The following ERBB4 variants were observed in gnomAD, a reference collection of about 807,000 sequenced individuals.
The protein encoded by ERBB4 is receptor tyrosine-protein kinase erbB-4.
Under a neutral mutation model 158.0 loss-of-function variants are expected in ERBB4, and 42 were observed. The observed-to-expected ratio is 0.27, with a 90% CI of 0.21 to 0.34. The LOEUF (loss-of-function observed/expected upper bound fraction) is 0.34. ERBB4 is among the 10% of genes least tolerant of loss of function. The probability of loss-of-function intolerance (pLI) is 1.00; values close to 1 mark genes in which losing one functional copy is unlikely to be tolerated. For missense variants in ERBB4, 1,333 were observed against 1,624.1 expected (o/e 0.82, Z 3.08); for synonymous variants, 583 against 558.7 (o/e 1.04, Z -0.61).
intron 16 of ERBB4, among the ~76,000 whole-genome samples, chr2:211,645,137 C>T (rs760490825): frequency 4.0e-5 from 6 of 151,802 alleles, no homozygotes; most frequent in African/African-American, 9.6e-5. Context: ...CAAAAACAAA[C>T]GACTCTAGAG....
intron 2 of ERBB4, among the ~76,000 whole-genome samples, chr2:212,103,400 T>A (rs2079137259): frequency 6.6e-6 from 1 of 152,108 alleles, no homozygotes; most frequent in Non-Finnish European, 1.5e-5. Context: ...TAAAATTATT[T>A]CAAATAATAT....
At chr2:211,515,912 A>ATATATTT (rs35696520) in intron 20 of ERBB4, among the ~76,000 whole-genome samples, 46 of 78,980 alleles carry the variant, frequency 5.8e-4, no homozygotes, top group African/African-American at 2.6e-3. Context: ...ATATATATAT[A>ATATATTT]TTTTTTTTTT....
At chr2:211,522,850 A>C (rs2066226017) in intron 20 of ERBB4, among the ~76,000 whole-genome samples, 1 of 152,080 alleles carries the variant, frequency 6.6e-6, no homozygotes, top group Non-Finnish European at 1.5e-5. Flanking sequence ...AGTGTAGTAT[A>C]AACATAACTT....
chr2:211,882,645 C>A (rs59340449), intron 3 of ERBB4, among the ~76,000 whole-genome samples: 21,567 of 152,080 alleles, frequency 0.14, 1,870 homozygotes, highest in African/African-American at 0.24. Flanking sequence ...GCTAACACAG[C>A]AATATTATCA....
intron 19 of ERBB4, among the ~76,000 whole-genome samples, chr2:211,577,962 G>A (rs2067943555): frequency 6.6e-6 from 1 of 152,078 alleles, no homozygotes; most frequent in South Asian, 2.1e-4. Context: ...TCTGGCCAGG[G>A]CAATCAGGCA....
intron 3 of ERBB4, among the ~76,000 whole-genome samples, chr2:211,835,384 C>G (rs2077318682): frequency 4.2e-5 from 4 of 94,968 alleles, no homozygotes; most frequent in African/African-American, 1.1e-4. Context: ...CTACATAAAA[C>G]CACTCTGACA....
chr2:211,595,910 T>C (rs1284885623), intron 19 of ERBB4, among the ~76,000 whole-genome samples: 1 of 152,148 alleles, frequency 6.6e-6, no homozygotes, highest in African/African-American at 2.4e-5. Context: ...TCCCTGGATA[T>C]AGAGGGATAA....
chr2:211,835,958 G>A (rs951544347), intron 3 of ERBB4, among the ~76,000 whole-genome samples: 7 of 151,964 alleles, frequency 4.6e-5, no homozygotes, highest in African/African-American at 1.7e-4. Context: ...ATTAGAACTG[G>A]GAAGAGTATA....
intron 3 of ERBB4, among the ~76,000 whole-genome samples, chr2:211,842,558 A>G (rs191863170): frequency 2.6e-5 from 4 of 152,018 alleles, no homozygotes; most frequent in Admixed American, 1.3e-4. Flanking sequence ...AATATCTCCT[A>G]TCTTTTTCAG....
chr2:212,126,151 C>T (rs2079917931), intron 1 of ERBB4, among the ~76,000 whole-genome samples: 1 of 152,050 alleles, frequency 6.6e-6, no homozygotes, highest in South Asian at 2.1e-4. Context: ...CACAAGTTTA[C>T]ACAAGTTTTT....
At chr2:212,528,927 G>A (rs991296360) in intron 1 of ERBB4, among the ~76,000 whole-genome samples, 8 of 152,086 alleles carry the variant, frequency 5.3e-5, no homozygotes, top group Admixed American at 5.2e-4. Flanking sequence ...AGAAATCTTA[G>A]CTATAACAAA....
chr2:211,614,018 T>C (rs2125837565), intron 19 of ERBB4, among the ~76,000 whole-genome samples: 1 of 152,198 alleles, frequency 6.6e-6, no homozygotes, highest in Admixed American at 6.6e-5. Flanking sequence ...GGAAGCAACC[T>C]AAGTGTCCAT....
rs1215930377 is a variant in ERBB4 at position 212,132,918 on chromosome 2, C to A, written c.83-8015G>T. Among the ~76,000 whole-genome samples the A allele has an allele frequency of 3.9e-5, 6 of 152,152 alleles. 1 individual carries two copies. The highest frequency in any genetic ancestry group is 2.0e-4 in the Admixed American group (3 of 15,292). On this transcript the variant is annotated intron_variant, in intron 1 of 27. Transcript: ENST00000342788. ...GCCCATCCCTTGTTAACGTGGCACA[C>A]ATACACAACTTCTTAATCTGTACTT...
intron 2 of ERBB4, among the ~76,000 whole-genome samples, chr2:212,031,232 G>C (rs1191074663): frequency 6.6e-6 from 1 of 152,030 alleles, no homozygotes; most frequent in Non-Finnish European, 1.5e-5. Flanking sequence ...GCTGTGACTT[G>C]CAAGATTCCA....
chr2:211,404,184 CAA>C (rs1205522219), intron 25 of ERBB4, among the ~76,000 whole-genome samples: 1 of 152,042 alleles, frequency 6.6e-6, no homozygotes, highest in Non-Finnish European at 1.5e-5. Flanking sequence ...TACCGGAGCT[CAA>C]CTCTTGATTT....
chr2:211,551,996 C>T (rs1383641878), intron 20 of ERBB4, among the ~76,000 whole-genome samples: 1 of 152,192 alleles, frequency 6.6e-6, no homozygotes, highest in Non-Finnish European at 1.5e-5. Context: ...CAAGAATCTG[C>T]TCTCTTTCCA....
intron 16 of ERBB4, among the ~76,000 whole-genome samples, chr2:211,633,313 G>T (rs1851194): frequency 0.13 from 20,411 of 151,736 alleles, 1,638 homozygotes; most frequent in African/African-American, 0.23. Context: ...GAAAAGATTC[G>T]GTTTCCAAAC....
intron 20 of ERBB4, among the ~76,000 whole-genome samples, chr2:211,447,965 G>C (rs146954988): frequency 7.8e-4 from 118 of 152,088 alleles, no homozygotes; most frequent in Admixed American, 2.8e-3. Flanking sequence ...ATTTTGTCTA[G>C]ACTTATTATT....
At chr2:212,241,987 T>G (rs1013569217) in intron 1 of ERBB4, among the ~76,000 whole-genome samples, 1 of 151,906 alleles carries the variant, frequency 6.6e-6, no homozygotes. Context: ...TGAAAAAAAA[T>G]TCAAATATGA....
Sources: allele counts gnomAD v4.1 joint callset (sites outside exome capture counted in the v4.1 genomes callset), GRCh38; gene constraint gnomAD v4.1.1; transcripts MANE v1.5; gene names NCBI Gene and HGNC (gene_info 2026-07-23, HGNC 2026-07-21).